Variants in CNTN5 observed in about 807,000 individuals in gnomAD.
CNTN5 encodes the protein contactin 5.
A neutral mutation model predicts 129.1 loss-of-function variants in CNTN5; 77 were observed. The ratio of observed to expected loss-of-function variants is 0.60; its 90% CI spans 0.50 to 0.72. CNTN5 has a LOEUF of 0.72. Ranked by LOEUF, CNTN5 falls within the 30% of genes least tolerant of loss-of-function variation. The probability of loss-of-function intolerance (pLI) is 0.00; values close to 1 mark genes in which losing one functional copy is unlikely to be tolerated. For missense variants in CNTN5, 1,478 were observed against 1,328.8 expected (o/e 1.11, Z -1.75); for synonymous variants, 509 against 465.6 (o/e 1.09, Z -1.20).
intron 9 of CNTN5, among the ~76,000 whole-genome samples, chr11:100,028,156 TAA>T (rs1941522518): frequency 6.6e-6 from 1 of 151,856 alleles, no homozygotes; most frequent in Non-Finnish European, 1.5e-5. Flanking sequence ...ACAGAAACAG[TAA>T]AAAGCTACAG....
At chr11:99,530,363 C>G (rs1947650016) in intron 2 of CNTN5, among the ~76,000 whole-genome samples, 1 of 152,146 alleles carries the variant, frequency 6.6e-6, no homozygotes, top group African/African-American at 2.4e-5. Flanking sequence ...TATGAAACCA[C>G]AAAGGAAATA....
chr11:100,171,171 C>T (rs562827150), intron 13 of CNTN5, among the ~76,000 whole-genome samples: 1 of 151,938 alleles, frequency 6.6e-6, no homozygotes, highest in Non-Finnish European at 1.5e-5. Context: ...AAAATGAGTT[C>T]TTTTAATATT....
intron 2 of CNTN5, among the ~76,000 whole-genome samples, chr11:99,361,317 T>C (rs1565520853): frequency 6.6e-6 from 1 of 152,186 alleles, no homozygotes; most frequent in Non-Finnish European, 1.5e-5. Flanking sequence ...CACATTTTGT[T>C]ATAGCAACCA....
intron 1 of CNTN5, among the ~76,000 whole-genome samples, chr11:99,072,552 G>T (rs1343435637): frequency 6.6e-6 from 1 of 151,976 alleles, no homozygotes; most frequent in African/African-American, 2.4e-5. Context: ...TACAACTGAG[G>T]TTGTACCTTA....
chr11:99,478,226 T>TGG (rs1478073982), intron 2 of CNTN5, among the ~76,000 whole-genome samples: 1 of 152,184 alleles, frequency 6.6e-6, no homozygotes, highest in East Asian at 1.9e-4. Context: ...CAGCTAAAAC[T>TGG]GGGGTTTTAT....
intron 13 of CNTN5, among the ~76,000 whole-genome samples, chr11:100,162,288 C>T (rs1195824234): frequency 6.6e-6 from 1 of 151,838 alleles, no homozygotes; most frequent in East Asian, 1.9e-4. Context: ...CTTCCATGCC[C>T]AATCAATGAT....
chr11:100,122,711 G>T (rs998190695), intron 13 of CNTN5, among the ~76,000 whole-genome samples: 3 of 152,022 alleles, frequency 2.0e-5, no homozygotes, highest in Non-Finnish European at 4.4e-5. Flanking sequence ...GTTAGTGAAA[G>T]GAAAATTGTC....
intron 2 of CNTN5, among the ~76,000 whole-genome samples, chr11:99,428,100 C>T (rs1488818096): frequency 2.6e-5 from 4 of 152,078 alleles, no homozygotes; most frequent in African/African-American, 9.7e-5. Context: ...ATTTACTGTA[C>T]AAAATTTGTT....
rs192209922 is a variant in CNTN5 at position 99,820,722 on chromosome 11, G to A, written c.277+957G>A. ...GAAATGAAAACTCTGGGACAGATAA[G>A]TATTTTTCACAAGGTCACACTGCTA... On this transcript the variant is annotated intron_variant, in intron 4 of 24. Transcript: ENST00000524871. 5.3e-5 allele frequency among the ~76,000 whole-genome samples: 8 copies of A among 152,318 alleles called. No individual in the cohort carries two copies. The East Asian group carries it at 1.2e-3, about 22-fold the overall frequency.
At position 99,814,155 on chromosome 11, in the gene CNTN5, T is replaced by A. The variant is rs558189692; in HGVS notation, c.56-5389T>A. Among the ~76,000 whole-genome samples, 4 of 152,250 alleles carry A rather than the reference T, an allele frequency of 2.6e-5. 1 individual carries two copies. In the South Asian group the frequency reaches 6.2e-4, roughly 24 times the overall value. ...ATGTCCTTGAACAGTGAAGATGGAA[T>A]GGAATTCAACATACACAAATACAGG... On this transcript the variant is annotated intron_variant, in intron 3 of 24. Coordinates refer to ENST00000524871, the MANE Select transcript of CNTN5 (RefSeq NM_014361.4).
chr11:99,359,892 A>C (rs1316896845), intron 2 of CNTN5, among the ~76,000 whole-genome samples: 2 of 152,192 alleles, frequency 1.3e-5, no homozygotes, highest in African/African-American at 4.8e-5. Flanking sequence ...TATATGAAAA[A>C]AACTTAAAGG....
intron 21 of CNTN5, among the ~76,000 whole-genome samples, chr11:100,334,015 G>T (rs1213329570): frequency 2.6e-5 from 4 of 152,098 alleles, no homozygotes; most frequent in Non-Finnish European, 5.9e-5. Context: ...GAGTGGGAGA[G>T]AATCTTCACA....
At chr11:99,521,714 G>A (rs1241051614) in intron 2 of CNTN5, among the ~76,000 whole-genome samples, 3 of 152,168 alleles carry the variant, frequency 2.0e-5, no homozygotes, top group Admixed American at 2.0e-4. Context: ...TGCTGTAGTT[G>A]ACTCTGAGTG....
intron 4 of CNTN5, 21 bp downstream of exon 4, chr11:99,819,786 G>T (rs1226546747): frequency 1.1e-5 from 2 of 187,418 alleles, no homozygotes; most frequent in African/African-American, 1.4e-4. Flanking sequence ...AAGGAAAATG[G>T]CTCCAGATAG....
intron 7 of CNTN5, among the ~76,000 whole-genome samples, chr11:99,929,009 T>C (rs1453836771): frequency 6.6e-6 from 1 of 152,218 alleles, no homozygotes; most frequent in Non-Finnish European, 1.5e-5. Context: ...TAGAAATTTC[T>C]TCTGCCAGGT....
chr11:99,583,829 G>C (rs973754100), intron 3 of CNTN5, among the ~76,000 whole-genome samples: 1 of 152,104 alleles, frequency 6.6e-6, no homozygotes, highest in Non-Finnish European at 1.5e-5. Flanking sequence ...TGCACCCACA[G>C]TCCTGCACCT....
At chr11:99,745,980 G>T (rs572145465) in intron 3 of CNTN5, among the ~76,000 whole-genome samples, 1 of 152,242 alleles carries the variant, frequency 6.6e-6, no homozygotes, top group Admixed American at 6.5e-5. Flanking sequence ...AATATGTTCA[G>T]GGAAGTATTA....
chr11:99,787,543 A>T (rs536818862), intron 3 of CNTN5, among the ~76,000 whole-genome samples: 1 of 151,736 alleles, frequency 6.6e-6, no homozygotes, highest in Non-Finnish European at 1.5e-5. Context: ...CCAAGGAATG[A>T]TTCAACATCC....
intron 2 of CNTN5, among the ~76,000 whole-genome samples, chr11:99,378,814 T>C (rs186160563): frequency 3.9e-5 from 6 of 152,252 alleles, no homozygotes; most frequent in African/African-American, 1.2e-4. Context: ...TAAAATAGTT[T>C]ACAAGAACAT....
Sources: allele counts gnomAD v4.1 joint callset (sites outside exome capture counted in the v4.1 genomes callset), GRCh38; gene constraint gnomAD v4.1.1; transcripts MANE v1.5; gene names NCBI Gene and HGNC (gene_info 2026-07-23, HGNC 2026-07-21).